Variants in TRHDE observed in about 807,000 individuals in gnomAD.
TRHDE encodes thyrotropin releasing hormone degrading enzyme, also known as thyrotropin-releasing hormone-degrading ectoenzyme.
In TRHDE, 72 loss-of-function variants were observed where a neutral mutation model predicts 125.7. The ratio of observed to expected loss-of-function variants is 0.57; its 90% CI spans 0.47 to 0.70. The LOEUF is 0.70. TRHDE is among the 30% of genes least tolerant of loss of function. The pLI, the probability that TRHDE is intolerant of heterozygous loss-of-function variation, is 0.00. For synonymous variants in TRHDE, 509 were observed against 509.1 expected (o/e 1.00, Z 0.00); for missense variants, 1,110 against 1,327.1 (o/e 0.84, Z 2.54).
intron 2 of TRHDE, among the ~76,000 whole-genome samples, chr12:72,301,495 G>A (rs2135687334): frequency 6.6e-6 from 1 of 152,248 alleles, no homozygotes; most frequent in South Asian, 2.1e-4. Context: ...ATTAAATAAT[G>A]TGTTTTTAGA....
At chr12:72,269,959 G>C (rs1427822566), upstream of TRHDE, among the ~76,000 whole-genome samples, 1 of 152,188 alleles carries the variant, frequency 6.6e-6, no homozygotes, top group African/African-American at 2.4e-5. Context: ...GACTCCCCGG[G>C]ATGATTCCAG....
At chr12:72,352,673 T>C (rs1009201765) in intron 2 of TRHDE, among the ~76,000 whole-genome samples, 3 of 151,786 alleles carry the variant, frequency 2.0e-5, no homozygotes, top group African/African-American at 7.2e-5. Flanking sequence ...AAGTTTAGGG[T>C]TCATTGCATA....
chr12:72,299,424 A>G (rs980562276), intron 2 of TRHDE, among the ~76,000 whole-genome samples: 1 of 152,202 alleles, frequency 6.6e-6, no homozygotes, highest in Admixed American at 6.5e-5. Flanking sequence ...TAATTTGGGG[A>G]GGAACTGGCA....
chr12:72,355,938 T>G (rs1870796233), intron 2 of TRHDE, among the ~76,000 whole-genome samples: 1 of 151,820 alleles, frequency 6.6e-6, no homozygotes, highest in African/African-American at 2.4e-5. Flanking sequence ...AGGGAATGCT[T>G]ATACAGTGTT....
At chr12:72,513,058 A>G (rs896185872) in intron 6 of TRHDE, among the ~76,000 whole-genome samples, 1 of 152,154 alleles carries the variant, frequency 6.6e-6, no homozygotes, top group Non-Finnish European at 1.5e-5. Context: ...TTAATGAAAT[A>G]TAAACATCTT....
At chr12:72,090,100 C>T (rs974384987) in intron 1 of TRHDE, among the ~76,000 whole-genome samples, 2 of 152,078 alleles carry the variant, frequency 1.3e-5, no homozygotes, top group African/African-American at 4.8e-5. Context: ...TTTAGGTTGA[C>T]ATAGACTGTG....
At chr12:72,432,850 G>A (rs11179203) in intron 3 of TRHDE, among the ~76,000 whole-genome samples, 20,562 of 152,070 alleles carry the variant, frequency 0.14, 1,784 homozygotes, top group East Asian at 0.48. Flanking sequence ...CAGAATAATG[G>A]TGAATAGAAG....
chr12:72,575,482 C>T lies in TRHDE; in HGVS notation c.2266-5C>T, dbSNP rs747772114. On this transcript the variant is annotated splice_region_variant and splice_polypyrimidine_tract_variant and intron_variant, in intron 11 of 18. Coordinates refer to ENST00000261180, the MANE Select transcript of TRHDE (RefSeq NM_013381.3). ...TATCCTATTATTTTTTCTAATTGGCCTCAGGTTCTTTCTGTCAGTAACCGA... is the reference window on the plus strand; with the variant it reads ...TATCCTATTATTTTTTCTAATTGGCTTCAGGTTCTTTCTGTCAGTAACCGA... The T allele has an allele frequency of 6.2e-7, 1 of 1,613,548 alleles. No individual in the cohort carries two copies. The highest frequency in any genetic ancestry group is 8.5e-7 in the Non-Finnish European group (1 of 1,179,716).
At chr12:72,371,664 A>G (rs1474483771) in intron 2 of TRHDE, among the ~76,000 whole-genome samples, 1 of 151,774 alleles carries the variant, frequency 6.6e-6, no homozygotes, top group African/African-American at 2.4e-5. Context: ...TCCTTGGGGT[A>G]GTTTACTGAG....
intron 1 of TRHDE, among the ~76,000 whole-genome samples, chr12:72,089,173 A>C (rs997201894): frequency 6.6e-6 from 1 of 152,144 alleles, no homozygotes; most frequent in Non-Finnish European, 1.5e-5. Context: ...GCTTGAAAGA[A>C]TATCCTAAAA....
intron 6 of TRHDE, among the ~76,000 whole-genome samples, chr12:72,523,896 A>G (rs572139096): frequency 4.6e-5 from 7 of 152,294 alleles, no homozygotes; most frequent in African/African-American, 1.4e-4. Context: ...GACAGAATAC[A>G]TCTGTGCTTT....
intron 1 of TRHDE, among the ~76,000 whole-genome samples, chr12:72,089,040 C>T (rs867742708): frequency 6.6e-6 from 1 of 152,134 alleles, no homozygotes; most frequent in Non-Finnish European, 1.5e-5. Context: ...CCTTTTCAAA[C>T]CTCCTTTACC....
intron 2 of TRHDE, among the ~76,000 whole-genome samples, chr12:72,369,854 A>T (rs1028144002): frequency 6.6e-6 from 1 of 152,142 alleles, no homozygotes; most frequent in Non-Finnish European, 1.5e-5. Context: ...CTTATCATGG[A>T]ATGTCAGAAA....
intron 13 of TRHDE, 84 bp downstream of exon 13, chr12:72,619,122 C>A: frequency 9.4e-7 from 1 of 1,067,314 alleles, no homozygotes; most frequent in Non-Finnish European, 1.3e-6. Flanking sequence ...CAACTGATGC[C>A]AAGTTATTTT....
chr12:72,119,579 A>C (rs1002148765), intron 2 of TRHDE, among the ~76,000 whole-genome samples: 2 of 152,198 alleles, frequency 1.3e-5, no homozygotes, highest in Non-Finnish European at 2.9e-5. Flanking sequence ...GATTAAGTCC[A>C]ACGTTTCTTC....
intron 12 of TRHDE, among the ~76,000 whole-genome samples, chr12:72,587,002 A>T (rs1871468513): frequency 6.6e-6 from 1 of 152,172 alleles, no homozygotes; most frequent in South Asian, 2.1e-4. Context: ...AAAGAACTAT[A>T]GATGAAAATT....
intron 2 of TRHDE, among the ~76,000 whole-genome samples, chr12:72,313,352 T>C (rs1055923973): frequency 6.6e-6 from 1 of 152,040 alleles, no homozygotes; most frequent in African/African-American, 2.4e-5. Context: ...CTTTTCCTTT[T>C]GGCCTTCTAT....
At chr12:72,383,435 G>A (rs923660443) in intron 3 of TRHDE, among the ~76,000 whole-genome samples, 1 of 141,962 alleles carries the variant, frequency 7.0e-6, no homozygotes, top group Non-Finnish European at 1.5e-5. Context: ...AGAGTGCAGT[G>A]GTGTGATCTC....
chr12:72,192,652 T>G (rs1877363719), intron 2 of TRHDE, among the ~76,000 whole-genome samples: 1 of 152,116 alleles, frequency 6.6e-6, no homozygotes, highest in Non-Finnish European at 1.5e-5. Flanking sequence ...ATCTAAATTT[T>G]TTGTTGTTGT....
Sources: allele counts gnomAD v4.1 joint callset (sites outside exome capture counted in the v4.1 genomes callset), GRCh38; gene constraint gnomAD v4.1.1; transcripts MANE v1.5; gene names NCBI Gene and HGNC (gene_info 2026-07-23, HGNC 2026-07-21).